The following ARHGAP42 variants were observed in gnomAD, a reference collection of about 807,000 sequenced individuals.
ARHGAP42 encodes Rho GTPase activating protein 42.
ARHGAP42 carries 63 observed loss-of-function variants against 125.0 expected under a neutral mutation model. The observed-to-expected ratio is 0.50, with a 90% CI of 0.41 to 0.62. The LOEUF is 0.62. ARHGAP42 is among the 20% of genes least tolerant of loss of function. The pLI is 0.00. For missense variants in ARHGAP42, 766 were observed against 1,024.2 expected, an observed-to-expected ratio of 0.75 and a Z score of 3.44; for synonymous variants, 339 against 351.0, an observed-to-expected ratio of 0.97 and a Z score of 0.38.
intron 2 of ARHGAP42, among the ~76,000 whole-genome samples, chr11:100,785,488 G>A (rs185371542): frequency 6.6e-6 from 1 of 152,338 alleles, no homozygotes. Context: ...CCTTGTGGGT[G>A]TGTGAATTAC....
chr11:100,877,865 C>T (rs1009272803), intron 4 of ARHGAP42, among the ~76,000 whole-genome samples: 5 of 151,838 alleles, frequency 3.3e-5, no homozygotes, highest in African/African-American at 9.7e-5. Flanking sequence ...ATTAGCCAGA[C>T]GTGGTGGCAC....
At chr11:100,899,413 C>T (rs1415494512) in intron 4 of ARHGAP42, among the ~76,000 whole-genome samples, 1 of 152,122 alleles carries the variant, frequency 6.6e-6, no homozygotes, top group Non-Finnish European at 1.5e-5. Context: ...CCTTCTGTCT[C>T]CTTGTTCTGT....
chr11:100,929,349 T>G (rs919835356), intron 6 of ARHGAP42, among the ~76,000 whole-genome samples: 1 of 152,170 alleles, frequency 6.6e-6, no homozygotes, highest in Non-Finnish European at 1.5e-5. Context: ...CGGCCACAAA[T>G]GACCTTTACT....
intron 4 of ARHGAP42, among the ~76,000 whole-genome samples, chr11:100,877,671 T>C (rs1466916675): frequency 6.6e-6 from 1 of 152,128 alleles, no homozygotes; most frequent in African/African-American, 2.4e-5. Context: ...GTGTGTGAAC[T>C]TGATGACTTC....
intron 1 of ARHGAP42, among the ~76,000 whole-genome samples, chr11:100,716,383 A>AC (rs1467884027): frequency 6.6e-6 from 1 of 152,210 alleles, no homozygotes; most frequent in Non-Finnish European, 1.5e-5. Flanking sequence ...ATAAGTTAAA[A>AC]CCAAAAAACA....
At chr11:100,904,066 A>G (rs976117443) in intron 4 of ARHGAP42, among the ~76,000 whole-genome samples, 1 of 151,990 alleles carries the variant, frequency 6.6e-6, no homozygotes, top group Admixed American at 6.6e-5. Flanking sequence ...TCTTTTGGCA[A>G]TACCCACACA....
At chr11:100,859,308 T>A (rs1865390606) in intron 3 of ARHGAP42, 1 of 375,876 alleles carries the variant, frequency 2.7e-6, no homozygotes, top group Non-Finnish European at 4.7e-6. Context: ...GTATTCAAAC[T>A]AAGATTTCAC....
intron 3 of ARHGAP42, among the ~76,000 whole-genome samples, chr11:100,858,656 C>G (rs1012764951): frequency 6.6e-6 from 1 of 151,992 alleles, no homozygotes; most frequent in African/African-American, 2.4e-5. Context: ...ACCTTTTAAC[C>G]TATTTTAAAG....
intron 1 of ARHGAP42, among the ~76,000 whole-genome samples, chr11:100,722,222 GT>G (rs1409982133): frequency 6.6e-6 from 1 of 152,052 alleles, no homozygotes; most frequent in African/African-American, 2.4e-5. Flanking sequence ...TACATTCGCT[GT>G]TTTGCCATCC....
intron 1 of ARHGAP42, among the ~76,000 whole-genome samples, chr11:100,736,886 T>C (rs1355008320): frequency 6.6e-6 from 1 of 152,190 alleles, no homozygotes; most frequent in East Asian, 1.9e-4. Context: ...GCTTTACATA[T>C]AACTTCCTGA....
chr11:100,764,791 G>T (rs1862791813), intron 1 of ARHGAP42, among the ~76,000 whole-genome samples: 2 of 152,138 alleles, frequency 1.3e-5, no homozygotes, highest in Non-Finnish European at 2.9e-5. Context: ...TAGGGTCTTG[G>T]ATACTTGGTT....
intron 1 of ARHGAP42, among the ~76,000 whole-genome samples, chr11:100,704,452 G>C (rs1861446444): frequency 6.6e-6 from 1 of 152,152 alleles, no homozygotes; most frequent in Non-Finnish European, 1.5e-5. Context: ...GCGTGAGAGT[G>C]ATGGCATCCA....
At chr11:100,711,880 G>A (rs1024674590) in intron 1 of ARHGAP42, among the ~76,000 whole-genome samples, 4 of 152,112 alleles carry the variant, frequency 2.6e-5, no homozygotes, top group Admixed American at 6.5e-5. Context: ...ATGAGAGTAA[G>A]GTAAATTGTT....
chr11:100,957,488 T>C (rs1189756213), intron 12 of ARHGAP42, among the ~76,000 whole-genome samples: 1 of 152,096 alleles, frequency 6.6e-6, no homozygotes, highest in African/African-American at 2.4e-5. Context: ...GCAGTGATAC[T>C]AGAGCTGAGA....
At chr11:100,941,411 A>G (rs1022568753) in intron 8 of ARHGAP42, among the ~76,000 whole-genome samples, 2 of 152,184 alleles carry the variant, frequency 1.3e-5, no homozygotes, top group Non-Finnish European at 2.9e-5. Flanking sequence ...TCTGACAGTT[A>G]TGAGAGTAAA....
intron 3 of ARHGAP42, among the ~76,000 whole-genome samples, chr11:100,804,344 G>T (rs1193115239): frequency 6.6e-6 from 1 of 151,644 alleles, no homozygotes; most frequent in African/African-American, 2.4e-5. Context: ...CTAGCTGTCT[G>T]GGTATTATTT....
intron 1 of ARHGAP42, among the ~76,000 whole-genome samples, chr11:100,735,904 C>A (rs1862058183): frequency 6.6e-6 from 1 of 152,158 alleles, no homozygotes; most frequent in Admixed American, 6.5e-5. Context: ...GCGTGAGCTA[C>A]CGCGCCCAGC....
chr11:100,731,839 G>A (rs1041197539), intron 1 of ARHGAP42, among the ~76,000 whole-genome samples: 3 of 152,140 alleles, frequency 2.0e-5, no homozygotes, highest in Admixed American at 1.3e-4. Context: ...TTCACACAGA[G>A]CCCTTCCCTC....
chr11:100,746,083 G>A (rs1862297156), intron 1 of ARHGAP42, among the ~76,000 whole-genome samples: 1 of 152,202 alleles, frequency 6.6e-6, no homozygotes, highest in African/African-American at 2.4e-5. Flanking sequence ...TAAAGCATAA[G>A]TGCCACTTCA....
Sources: allele counts gnomAD v4.1 joint callset (sites outside exome capture counted in the v4.1 genomes callset), GRCh38; gene constraint gnomAD v4.1.1; transcripts MANE v1.5; gene names NCBI Gene and HGNC (gene_info 2026-07-23, HGNC 2026-07-21).